Variants in PRKCI observed in about 807,000 individuals in gnomAD.
The protein encoded by PRKCI is protein kinase C iota type.
Under a neutral mutation model 84.0 loss-of-function variants are expected in PRKCI, and 43 were observed. That is an observed-to-expected ratio of 0.51 (90% CI 0.40 to 0.66). The LOEUF is 0.66. Among genes scored for constraint, PRKCI ranks in the 30% least tolerant of loss-of-function variants. The pLI is 0.00. For missense variants in PRKCI, 459 were observed against 745.6 expected (o/e 0.62, Z 4.48); for synonymous variants, 216 against 234.4 (o/e 0.92, Z 0.72).
intron 2 of PRKCI, among the ~76,000 whole-genome samples, chr3:170,252,829 C>T (rs193150745): frequency 1.6e-4 from 24 of 152,194 alleles, no homozygotes; most frequent in African/African-American, 5.8e-4. Context: ...AATACTAGAT[C>T]TTACTCATTC....
Position 170,295,907 on chromosome 3 carries a change from C to A in PRKCI, c.1418-4C>A. 2 of 1,528,476 alleles carry A rather than the reference C, an allele frequency of 1.3e-6. No homozygotes were observed. Among genetic ancestry groups the A allele is most frequent in the South Asian group, 1.2e-5 (1 of 81,012 alleles). 94.7% of individuals were successfully genotyped at this position (1,528,476 alleles called of 1,614,324 possible). A position where few individuals can be genotyped will look rare whatever the true frequency, so the allele number is the denominator to read the frequency against. Reference sequence around the variant, plus strand: ...ATATAATACTATAATTTTTATCTTTCTAGTTATTTTGGAAAAACAAATTCG... The same window carrying A: ...ATATAATACTATAATTTTTATCTTTATAGTTATTTTGGAAAAACAAATTCG... On this transcript the variant is annotated splice_region_variant and splice_polypyrimidine_tract_variant and intron_variant, in intron 14 of 17. Transcript: ENST00000295797.
At chr3:170,261,471 A>AC (rs1733726066) in intron 3 of PRKCI, among the ~76,000 whole-genome samples, 1 of 150,996 alleles carries the variant, frequency 6.6e-6, no homozygotes, top group African/African-American at 2.4e-5. Flanking sequence ...AAAAAAAAAA[A>AC]AAAACAGTGG....
At chr3:170,244,733 C>A in intron 2 of PRKCI, 1 of 152,066 alleles carries the variant, frequency 6.6e-6, no homozygotes, top group East Asian at 1.9e-4. Context: ...TACTCACCCC[C>A]CAATGGGGTT....
chr3:170,235,413 G>T, intron 2 of PRKCI, 62 bp downstream of exon 2: 1 of 1,565,316 alleles, frequency 6.4e-7, no homozygotes, highest in Non-Finnish European at 8.7e-7. Context: ...ATCATTTGTT[G>T]TAAAAATATA....
chr3:170,231,616 C>T (rs535985087), intron 1 of PRKCI, among the ~76,000 whole-genome samples: 34 of 152,066 alleles, frequency 2.2e-4, no homozygotes, highest in African/African-American at 8.2e-4. Flanking sequence ...AGGCGTGCAC[C>T]ACCACACCTG....
intron 12 of PRKCI, among the ~76,000 whole-genome samples, chr3:170,285,371 G>A (rs1486735272): frequency 1.3e-4 from 20 of 152,032 alleles, no homozygotes; most frequent in African/African-American, 4.1e-4. Context: ...GAGCCATCGC[G>A]CCTGGCCTAT....
chr3:170,299,593 A>G (rs1421048088), intron 17 of PRKCI, among the ~76,000 whole-genome samples: 2 of 152,252 alleles, frequency 1.3e-5, no homozygotes, highest in African/African-American at 4.8e-5. Context: ...ATAAGTTTTA[A>G]TAGTAACTGT....
At chr3:170,254,820 C>G (rs1342372086) in intron 2 of PRKCI, among the ~76,000 whole-genome samples, 4 of 151,956 alleles carry the variant, frequency 2.6e-5, no homozygotes, top group Admixed American at 2.6e-4. Context: ...TTTTGTGGTT[C>G]CATATAAATT....
At chr3:170,248,403 C>A (rs1233391535) in intron 2 of PRKCI, among the ~76,000 whole-genome samples, 1 of 151,958 alleles carries the variant, frequency 6.6e-6, no homozygotes, top group African/African-American at 2.4e-5. Flanking sequence ...GGTTAATATA[C>A]AGATTTCATT....
intron 2 of PRKCI, among the ~76,000 whole-genome samples, chr3:170,249,588 A>G (rs1343113941): frequency 6.6e-6 from 1 of 152,072 alleles, no homozygotes; most frequent in Non-Finnish European, 1.5e-5. Context: ...TAGGAGTTTA[A>G]GACCAGCCTG....
intron 2 of PRKCI, among the ~76,000 whole-genome samples, chr3:170,245,650 A>C (rs2043663127): frequency 6.6e-6 from 1 of 151,950 alleles, no homozygotes; most frequent in Non-Finnish European, 1.5e-5. Context: ...TGATCCCCAC[A>C]CTGTTTTCTC....
chr3:170,241,355 C>T (rs997298757), intron 2 of PRKCI, among the ~76,000 whole-genome samples: 2 of 152,174 alleles, frequency 1.3e-5, no homozygotes, highest in East Asian at 3.9e-4. Context: ...AACCCACTCC[C>T]TCCAGCCTCT....
At chr3:170,261,033 T>G (rs1364637855) in intron 3 of PRKCI, among the ~76,000 whole-genome samples, 1 of 152,078 alleles carries the variant, frequency 6.6e-6, no homozygotes, top group Admixed American at 6.6e-5. Context: ...CATAGCTCAC[T>G]GCAGCCTTGA....
At chr3:170,255,580 A>G (rs775484369) in intron 2 of PRKCI, among the ~76,000 whole-genome samples, 3 of 152,178 alleles carry the variant, frequency 2.0e-5, no homozygotes, top group Non-Finnish European at 4.4e-5. Flanking sequence ...TTCCAAATAT[A>G]TAAGATGATA....
chr3:170,259,580 A>G (rs1733672884), intron 2 of PRKCI, among the ~76,000 whole-genome samples: 1 of 152,140 alleles, frequency 6.6e-6, no homozygotes, highest in South Asian at 2.1e-4. Flanking sequence ...AGGCCGAGGC[A>G]GGCGGATCAC....
chr3:170,266,296 T>C (rs909413664), intron 4 of PRKCI, among the ~76,000 whole-genome samples: 1 of 152,164 alleles, frequency 6.6e-6, no homozygotes, highest in Non-Finnish European at 1.5e-5. Flanking sequence ...CTTTACAGAT[T>C]AGTTACAAAG....
chr3:170,296,549 A>T (rs1435748597), intron 15 of PRKCI, among the ~76,000 whole-genome samples: 1 of 152,158 alleles, frequency 6.6e-6, no homozygotes, highest in African/African-American at 2.4e-5. Context: ...GGTCTTGGCA[A>T]TTATAAATTC....
At chr3:170,249,032 T>C (rs1733367127) in intron 2 of PRKCI, among the ~76,000 whole-genome samples, 1 of 152,058 alleles carries the variant, frequency 6.6e-6, no homozygotes, top group Non-Finnish European at 1.5e-5. Flanking sequence ...GTATTTTCAG[T>C]AGAGACGGGG....
chr3:170,301,108 ACAAT>A (rs1252096862), intron 17 of PRKCI, among the ~76,000 whole-genome samples: 1 of 152,216 alleles, frequency 6.6e-6, no homozygotes, highest in African/African-American at 2.4e-5. Context: ...ACATTCAAAG[ACAAT>A]CAAGACAGTC....
Sources: allele counts gnomAD v4.1 joint callset (sites outside exome capture counted in the v4.1 genomes callset), GRCh38; gene constraint gnomAD v4.1.1; transcripts MANE v1.5; gene names NCBI Gene and HGNC (gene_info 2026-07-23, HGNC 2026-07-21).